The following KLC2 variants were observed in gnomAD, a reference collection of about 807,000 sequenced individuals.
KLC2 encodes KLC 2.
KLC2 carries 35 observed loss-of-function variants against 75.1 expected under a neutral mutation model. The ratio of observed to expected loss-of-function variants is 0.47; its 90% confidence interval spans 0.36 to 0.62. KLC2 has a LOEUF of 0.62. Ranked by LOEUF, KLC2 falls within the 20% of genes least tolerant of loss-of-function variation. The pLI is 0.00. For missense variants in KLC2, 611 were observed against 833.2 expected (o/e 0.73, Z 3.28); for synonymous variants, 314 against 336.7 (o/e 0.93, Z 0.74).
chr11:66,267,528 C>T lies in KLC2; in HGVS notation c.*572C>T, dbSNP rs1565178846. ...GGGGTCCTGGGACCTTCTCGCGCTCCTCCTGGCCTCTGAGGGATGCGTCCT... is the reference window on the plus strand; with the variant it reads ...GGGGTCCTGGGACCTTCTCGCGCTCTTCCTGGCCTCTGAGGGATGCGTCCT... On this transcript the variant is annotated 3_prime_UTR_variant, in exon 16 of 16. Coordinates refer to ENST00000394067, the MANE Select transcript of KLC2 (RefSeq NM_001318734.2). 2 of 662,992 alleles carry T rather than the reference C, an allele frequency of 3.0e-6. No individual in the cohort carries two copies. Among genetic ancestry groups the T allele is most frequent in the Non-Finnish European group, 5.6e-6 (2 of 356,368 alleles). 41.1% of individuals were successfully genotyped at this position (662,992 alleles called of 1,614,324 possible).
At chr11:66,260,969 G>C (rs1163270800) in intron 2 of KLC2, 1 of 152,040 alleles carries the variant, frequency 6.6e-6, no homozygotes, top group East Asian at 1.9e-4. Flanking sequence ...TGAGGGGGAA[G>C]GACCACTTGA....
At chr11:66,245,364 C>T in the KLC2 span, among the ~76,000 whole-genome samples, 1 of 151,984 alleles carries the variant, frequency 6.6e-6, no homozygotes, top group African/African-American at 2.4e-5. Context: ...GCGTTTTGCC[C>T]GAACTCAGGA....
chr11:66,265,525 C>G (rs934699835), intron 11 of KLC2, 130 bp from the exon 12 acceptor site: 4 of 809,854 alleles, frequency 4.9e-6, no homozygotes, highest in Non-Finnish European at 5.9e-6. Context: ...CAGCACAGGG[C>G]TTGACATGGG....
the KLC2 span, chr11:66,244,798 T>C: frequency 1.3e-5 from 2 of 152,236 alleles, no homozygotes; most frequent in Non-Finnish European, 2.9e-5. Flanking sequence ...CCAACCCCTT[T>C]TCCACAGTGC....
At chr11:66,252,349 G>A (rs568753274), upstream of KLC2, among the ~76,000 whole-genome samples, 5 of 152,208 alleles carry the variant, frequency 3.3e-5, no homozygotes, top group Non-Finnish European at 5.9e-5. Context: ...GCAGTGGCGC[G>A]ATCTCGGCTC....
chr11:66,252,126 A>C, the KLC2 span, among the ~76,000 whole-genome samples: 1 of 152,110 alleles, frequency 6.6e-6, no homozygotes, highest in Non-Finnish European at 1.5e-5. Context: ...GTCCAACAAC[A>C]CTGCAGGCAG....
upstream of KLC2, among the ~76,000 whole-genome samples, chr11:66,254,222 A>AAAAC (rs765411036): frequency 5.3e-5 from 8 of 152,304 alleles, no homozygotes; most frequent in East Asian, 1.9e-4. Context: ...GCTCTGTCTC[A>AAAAC]AAACAAACAA....
chr11:66,263,718 G>A lies in KLC2; in HGVS notation c.811G>A (p.Glu271Lys), dbSNP rs761776278. The change falls in exon 6 of 16, where the codon GAG becomes AAG. Residue 271 changes from glutamate to lysine, a missense_variant. Physicochemically the swap from Glu to Lys is moderately conservative, Grantham distance 56. Transcript: ENST00000394067. Reference sequence around the variant, plus strand: ...GCTCAATGATGCTCTGGCCATCCGGGAGAAAACACTGGGCAAGGACCACCC... The same window carrying A: ...GCTCAATGATGCTCTGGCCATCCGGAAGAAAACACTGGGCAAGGACCACCC... ...HLLNDALAIR[E>K]KTLGKDHPAV... The A allele has an allele frequency of 1.7e-5, 27 of 1,613,996 alleles. No homozygotes were observed. Among genetic ancestry groups the A allele is most frequent in the Non-Finnish European group, 2.3e-5 (27 of 1,179,970 alleles).
At position 66,267,218 on chromosome 11, in the gene KLC2, G is replaced by A. The variant is rs1161124488; in HGVS notation, c.*262G>A. On this transcript the variant is annotated 3_prime_UTR_variant, in exon 16 of 16. Transcript: ENST00000394067. Reference sequence around the variant, plus strand: ...GGGCCAGCAGGAGGTGCCGGCTGGAGTCTCCACCATAGACTCAGTGGCCTG... The same window carrying A: ...GGGCCAGCAGGAGGTGCCGGCTGGAATCTCCACCATAGACTCAGTGGCCTG... 4 of 1,533,652 alleles carry A rather than the reference G, an allele frequency of 2.6e-6. No homozygotes were observed. The highest frequency in any genetic ancestry group is 1.2e-5 in the South Asian group (1 of 83,748).
chr11:66,265,584 A>C (rs1856765369), intron 11 of KLC2, 71 bp from the exon 12 acceptor site: 3 of 1,296,834 alleles, frequency 2.3e-6, no homozygotes, highest in South Asian at 2.7e-5. Flanking sequence ...CTCAGGGCCC[A>C]CTGTGGGCTG....
chr11:66,251,133 G>A, the KLC2 span, among the ~76,000 whole-genome samples: 2 of 152,198 alleles, frequency 1.3e-5, no homozygotes, highest in Admixed American at 1.3e-4. Flanking sequence ...AGGGTTAGAG[G>A]GAAATAGATA....
In KLC2 at chr11:66,261,973, G is replaced by T. The variant is rs749445604; in HGVS notation, c.459+1G>T. ...GTTGGATGAAGACGCCTCCCCTAAC[G>T]TGAGCTCCTACCATGGTCACTGTTG... On this transcript the variant is annotated splice_donor_variant, in intron 3 of 15. Transcript: ENST00000394067. LOFTEE classifies it high-confidence loss of function. The T allele has an allele frequency of 1.2e-6, 2 of 1,612,674 alleles. No homozygotes were observed. The highest frequency in any genetic ancestry group is 1.3e-5 in the African/African-American group (1 of 74,996).
chr11:66,253,244 C>T (rs924717411), upstream of KLC2, among the ~76,000 whole-genome samples: 1 of 152,154 alleles, frequency 6.6e-6, no homozygotes, highest in Non-Finnish European at 1.5e-5. Context: ...GCTGGGATTA[C>T]AGACGTGGGC....
the KLC2 span, chr11:66,246,036 C>G: frequency 2.6e-5 from 4 of 152,342 alleles, no homozygotes; most frequent in East Asian, 7.7e-4. Flanking sequence ...CCCAGACGAC[C>G]TCACATAGAG....
rs781726681 is a variant in KLC2 at position 66,264,179 on chromosome 11, G to T, written c.1076G>T (p.Gly359Val). ...RALEIYATRLGPDDPNVAKTK... is the reference protein window; with the variant it reads ...RALEIYATRLVPDDPNVAKTK... Reference sequence around the variant, plus strand: ...CTGGAGATCTATGCTACACGCCTCGGGCCCGATGACCCCAATGTGGCCAAG... The same window carrying T: ...CTGGAGATCTATGCTACACGCCTCGTGCCCGATGACCCCAATGTGGCCAAG... The change falls in exon 8 of 16, where the codon GGG (glycine) becomes GTG (valine). Residue 359 changes from glycine (G) to valine (V), a missense_variant. Physicochemically the swap from Gly to Val is moderately radical, Grantham distance 109. Coordinates refer to ENST00000394067, the MANE Select transcript of KLC2 (RefSeq NM_001318734.2). 5.1e-6 allele frequency: 8 copies of T among 1,571,634 alleles called. No homozygotes were observed. The South Asian group carries it at 9.2e-5, about 18-fold the overall frequency.
intron 1 of KLC2, 145 bp from the exon 2 acceptor site, chr11:66,258,439 G>T: frequency 1.6e-6 from 1 of 610,384 alleles, no homozygotes; most frequent in Non-Finnish European, 2.9e-6. Context: ...TAGGCCAAGC[G>T]CGGGCACGGT....
chr11:66,258,196 T>G, intron 1 of KLC2: 2 of 186,962 alleles, frequency 1.1e-5, no homozygotes, highest in East Asian at 1.6e-4. Flanking sequence ...TTGGCCTGCC[T>G]TTTGGGGATG....
chr11:66,252,671 C>T (rs1361867971), upstream of KLC2, among the ~76,000 whole-genome samples: 1 of 152,148 alleles, frequency 6.6e-6, no homozygotes, highest in African/African-American at 2.4e-5. Context: ...GCCTAAAAAG[C>T]GACACCACTA....
chr11:66,252,602 A>G (rs995166580), upstream of KLC2, among the ~76,000 whole-genome samples: 1 of 152,208 alleles, frequency 6.6e-6, no homozygotes, highest in Non-Finnish European at 1.5e-5. Flanking sequence ...ATGTCCCAAC[A>G]AAGTAGGTAA....
Sources: gnomAD v4.1 joint callset for allele counts (sites outside exome capture counted in the v4.1 genomes callset) on GRCh38, gnomAD v4.1.1 for gene constraint, MANE v1.5 for transcripts, NCBI Gene and HGNC (gene_info 2026-07-23, HGNC 2026-07-21) for gene names.